Variants in ARG2 observed in about 807,000 individuals in gnomAD.
ARG2 encodes the protein arginase-2, mitochondrial.
A neutral mutation model predicts 39.4 loss-of-function variants in ARG2; 21 were observed. The observed-to-expected ratio is 0.53, with a 90% CI of 0.38 to 0.77. The LOEUF is 0.77. Among genes scored for constraint, ARG2 ranks in the 30% least tolerant of loss-of-function variants. The pLI is 0.00. For missense variants in ARG2, 378 were observed against 426.2 expected, an observed-to-expected ratio of 0.89 and a Z score of 1.00; for synonymous variants, 150 against 156.7, an observed-to-expected ratio of 0.96 and a Z score of 0.32.
rs1254091595 is a variant in ARG2 at position 67,646,907 on chromosome 14, A to G, written c.618-14A>G. ...CTTTAAACTAAGGACTCCTCCCTTT[A>G]TATCTCATCACAGTTTTATTTTAAA... On this transcript the variant is annotated splice_polypyrimidine_tract_variant and intron_variant, in intron 5 of 7. Transcript: ENST00000261783. The G allele has an allele frequency of 1.9e-6, 3 of 1,540,754 alleles. No individual in the cohort carries two copies. The highest frequency in any genetic ancestry group is 2.7e-6 in the Non-Finnish European group (3 of 1,113,904).
intron 2 of ARG2, 99 bp downstream of exon 2, chr14:67,621,065 G>A: frequency 8.5e-7 from 1 of 1,176,974 alleles, no homozygotes; most frequent in Non-Finnish European, 1.3e-6. Context: ...TTGTGTTTGG[G>A]AACAGTCTGC....
At chr14:67,622,378 A>G (rs1334639146) in intron 2 of ARG2, among the ~76,000 whole-genome samples, 1 of 152,234 alleles carries the variant, frequency 6.6e-6, no homozygotes, top group East Asian at 1.9e-4. Flanking sequence ...AAGTCACTGA[A>G]ACAGCCTTGA....
chr14:67,621,497 C>T (rs1357277359), intron 2 of ARG2, among the ~76,000 whole-genome samples: 2 of 151,610 alleles, frequency 1.3e-5, no homozygotes, highest in African/African-American at 4.8e-5. Context: ...ATTCCATCAC[C>T]CAGGCTGGAG....
chr14:67,648,199 G>A lies in ARG2; in HGVS notation c.859+16G>A, dbSNP rs202104783. 9.3e-6 allele frequency: 15 copies of A among 1,607,602 alleles called. No individual in the cohort carries two copies. In the East Asian group the frequency reaches 3.1e-4, roughly 34 times the overall value. ...CACAATACAGGTATGTAGCAACCAG[G>A]TCTGCAGCCTGTTAACTACATAGGT... On this transcript the variant is annotated intron_variant, in intron 7 of 7. Transcript: ENST00000261783.
intron 2 of ARG2, among the ~76,000 whole-genome samples, chr14:67,623,903 T>C (rs886612365): frequency 6.6e-6 from 1 of 152,122 alleles, no homozygotes; most frequent in Non-Finnish European, 1.5e-5. Context: ...TGCAGTGGCA[T>C]AGTCACAGCC....
intron 2 of ARG2, among the ~76,000 whole-genome samples, chr14:67,621,280 T>C (rs2036807812): frequency 6.6e-6 from 1 of 152,190 alleles, no homozygotes; most frequent in South Asian, 2.1e-4. Context: ...TAAAATTCCA[T>C]TTTCCTAACT....
At chr14:67,634,430 CAA>C (rs574075570) in intron 2 of ARG2, among the ~76,000 whole-genome samples, 42 of 114,422 alleles carry the variant, frequency 3.7e-4, no homozygotes, top group South Asian at 5.6e-4. Context: ...CTATCTCTAC[CAA>C]AAAAAAAAAA....
At chr14:67,620,636 G>A (rs1413557446) in intron 1 of ARG2, among the ~76,000 whole-genome samples, 2 of 152,028 alleles carry the variant, frequency 1.3e-5, no homozygotes, top group African/African-American at 4.8e-5. Context: ...CAGTCATCTC[G>A]AAGCCCAGAA....
intron 2 of ARG2, among the ~76,000 whole-genome samples, chr14:67,626,977 T>A (rs2036872862): frequency 6.6e-6 from 1 of 152,102 alleles, no homozygotes; most frequent in Admixed American, 6.5e-5. Flanking sequence ...GAAGGCCACA[T>A]GTTATATGAT....
chr14:67,644,997 TAAAAA>T (rs558540535), intron 3 of ARG2, among the ~76,000 whole-genome samples: 1 of 132,434 alleles, frequency 7.6e-6, no homozygotes, highest in African/African-American at 2.8e-5. Context: ...GACTCCGTCT[TAAAAA>T]AAAAAAAAAA....
intron 6 of ARG2, chr14:67,647,239 T>C: frequency 2.2e-6 from 1 of 452,828 alleles, no homozygotes; most frequent in Non-Finnish European, 3.9e-6. Flanking sequence ...CTAGATCTTC[T>C]GTCTCATGAA....
intron 2 of ARG2, among the ~76,000 whole-genome samples, chr14:67,632,808 ATTTTTTTTTTTTT>A (rs55642854): frequency 3.2e-5 from 2 of 62,358 alleles, no homozygotes; most frequent in Non-Finnish European, 5.6e-5. Context: ...AAGCCTCTTA[ATTTTTTTTTTTTT>A]TTTTTTTTTT....
chr14:67,634,291 G>T (rs1439370729), intron 2 of ARG2, among the ~76,000 whole-genome samples: 1 of 151,962 alleles, frequency 6.6e-6, no homozygotes, highest in African/African-American at 2.4e-5. Flanking sequence ...TTTAACTCTT[G>T]CAAGCTAAAT....
intron 2 of ARG2, among the ~76,000 whole-genome samples, chr14:67,634,709 G>GCTGA (rs1370447739): frequency 1.3e-5 from 2 of 152,114 alleles, no homozygotes; most frequent in Non-Finnish European, 2.9e-5. Context: ...TTCAAGTAAG[G>GCTGA]CTGACCTCTA....
At chr14:67,647,627 A>G (rs1457480052) in intron 6 of ARG2, 1 of 158,178 alleles carries the variant, frequency 6.3e-6, no homozygotes, top group Non-Finnish European at 1.4e-5. Context: ...CGTTCAGAGA[A>G]TAAGAGCAAC....
At position 67,647,264 on chromosome 14, in the gene ARG2, C is replaced by T. The variant is rs1358195525; in HGVS notation, c.722+239C>T. 15 of 425,052 alleles carry T rather than the reference C, an allele frequency of 3.5e-5. No homozygotes were observed. In the East Asian group the frequency reaches 5.5e-4, roughly 16 times the overall value. 26.3% of individuals were successfully genotyped at this position (425,052 alleles called of 1,614,324 possible). The stretch of plus-strand genomic sequence containing the variant: ...TGTCTCATGAATTTTTCTTTATCTC[C>T]ATCTTTAATGCTTATCTTCTGAGAT... On this transcript the variant is annotated intron_variant, in intron 6 of 7. Transcript: ENST00000261783.
At chr14:67,635,679 C>A (rs1044972752) in intron 2 of ARG2, among the ~76,000 whole-genome samples, 1 of 152,054 alleles carries the variant, frequency 6.6e-6, no homozygotes, top group Non-Finnish European at 1.5e-5. Context: ...CATGGTGAAA[C>A]CTGTCTCTAC....
At chr14:67,649,684 C>T (rs941045862) in intron 7 of ARG2, 3 of 152,146 alleles carry the variant, frequency 2.0e-5, no homozygotes, top group African/African-American at 7.2e-5. Flanking sequence ...GTACACTCAA[C>T]TATGCATTGC....
rs186875033 is a variant in ARG2 at position 67,643,247 on chromosome 14, T to C, written c.362+884T>C. On this transcript the variant is annotated intron_variant, in intron 3 of 7. Coordinates refer to ENST00000261783, the MANE Select transcript of ARG2 (RefSeq NM_001172.4). Reference sequence around the variant, plus strand: ...GCAGTGCTAGAGATTGCAGGAAATTTGTGATATATTAAGGCCTAGATGAAA... The same window carrying C: ...GCAGTGCTAGAGATTGCAGGAAATTCGTGATATATTAAGGCCTAGATGAAA... Among the ~76,000 whole-genome samples, 143 of 152,354 alleles carry C rather than the reference T, an allele frequency of 9.4e-4. 1 individual carries two copies. The highest frequency in any genetic ancestry group is 3.3e-3 in the African/African-American group (136 of 41,584).
Sources: allele counts gnomAD v4.1 joint callset (sites outside exome capture counted in the v4.1 genomes callset), GRCh38; gene constraint gnomAD v4.1.1; transcripts MANE v1.5; gene names NCBI Gene and HGNC (gene_info 2026-07-23, HGNC 2026-07-21).